RPS6KC1: variants seen among roughly 807,000 people sequenced by gnomAD.
RPS6KC1 encodes ribosomal protein S6 kinase C1.
A neutral mutation model predicts 103.8 loss-of-function variants in RPS6KC1; 54 were observed. The observed-to-expected ratio is 0.52, with a 90% CI of 0.42 to 0.65. The LOEUF (loss-of-function observed/expected upper bound fraction) is 0.65. Among genes scored for constraint, RPS6KC1 ranks in the 30% least tolerant of loss-of-function variants. The pLI, the probability that RPS6KC1 is intolerant of heterozygous loss-of-function variation, is 0.00. For synonymous variants in RPS6KC1, 439 were observed against 438.7 expected, an observed-to-expected ratio of 1.00 and a Z score of -0.01; for missense variants, 1,151 against 1,253.8, an observed-to-expected ratio of 0.92 and a Z score of 1.24.
intron 8 of RPS6KC1, among the ~76,000 whole-genome samples, chr1:213,203,113 G>T (rs1156829766): frequency 6.6e-6 from 1 of 152,132 alleles, no homozygotes; most frequent in Non-Finnish European, 1.5e-5. Context: ...TAGTAGTACA[G>T]ATTGAGTTTC....
chr1:213,586,670 A>T, the RPS6KC1 span, among the ~76,000 whole-genome samples: 1 of 152,118 alleles, frequency 6.6e-6, no homozygotes. Flanking sequence ...CAGGCTCTTC[A>T]TCCTCTGGCT....
At chr1:213,625,277 G>T in the RPS6KC1 span, among the ~76,000 whole-genome samples, 1 of 152,140 alleles carries the variant, frequency 6.6e-6, no homozygotes, top group Admixed American at 6.5e-5. Flanking sequence ...AGAAAGTCCT[G>T]TTCCTGATTT....
chr1:213,595,678 C>T, the RPS6KC1 span, among the ~76,000 whole-genome samples: 2 of 152,234 alleles, frequency 1.3e-5, no homozygotes, highest in South Asian at 2.1e-4. Flanking sequence ...ATGGCAGCAG[C>T]TCTGCTAACT....
At chr1:213,540,986 A>G in the RPS6KC1 span, among the ~76,000 whole-genome samples, 4 of 151,902 alleles carry the variant, frequency 2.6e-5, no homozygotes. Flanking sequence ...ATTCAGTTAA[A>G]GCTCCAGGCT....
the RPS6KC1 span, among the ~76,000 whole-genome samples, chr1:213,831,357 G>A: frequency 1.3e-5 from 2 of 152,146 alleles, no homozygotes; most frequent in African/African-American, 4.8e-5. Context: ...GTAGTAGGAG[G>A]TGTGACAATG....
At chr1:213,217,460 C>G (rs1210690780) in intron 8 of RPS6KC1, among the ~76,000 whole-genome samples, 1 of 152,194 alleles carries the variant, frequency 6.6e-6, no homozygotes, top group African/African-American at 2.4e-5. Context: ...TGAGCTGGTA[C>G]TATTCCTTCT....
intron 6 of RPS6KC1, among the ~76,000 whole-genome samples, chr1:213,146,105 A>G (rs1364482429): frequency 9.4e-6 from 1 of 106,126 alleles, no homozygotes; most frequent in Non-Finnish European, 2.1e-5. Flanking sequence ...TTTTTTTTTT[A>G]ATATTTAGAT....
the RPS6KC1 span, among the ~76,000 whole-genome samples, chr1:213,723,095 G>C: frequency 6.6e-6 from 1 of 152,160 alleles, no homozygotes; most frequent in Non-Finnish European, 1.5e-5. Flanking sequence ...CAGGAGAATT[G>C]CTTGAACCTG....
chr1:213,483,304 G>A, the RPS6KC1 span, among the ~76,000 whole-genome samples: 1 of 152,252 alleles, frequency 6.6e-6, no homozygotes, highest in South Asian at 2.1e-4. Context: ...GGGGATTATG[G>A]GAACTACAAT....
chr1:213,456,896 G>A, the RPS6KC1 span, among the ~76,000 whole-genome samples: 1 of 152,132 alleles, frequency 6.6e-6, no homozygotes, highest in Non-Finnish European at 1.5e-5. Flanking sequence ...ATGTGGCTAT[G>A]AATCTCTTTT....
At chr1:213,122,690 T>A (rs1424157112) in intron 5 of RPS6KC1, among the ~76,000 whole-genome samples, 2 of 152,180 alleles carry the variant, frequency 1.3e-5, no homozygotes, top group Non-Finnish European at 1.5e-5. Flanking sequence ...ATCTTGTTAC[T>A]GGTATTTTTC....
At chr1:213,784,265 A>G in the RPS6KC1 span, among the ~76,000 whole-genome samples, 689 of 152,330 alleles carry the variant, frequency 4.5e-3, 5 homozygotes, top group Admixed American at 6.9e-3. Context: ...AGGACCTAAG[A>G]GGACTTTCTA....
chr1:213,839,792 T>A, the RPS6KC1 span: 1 of 152,124 alleles, frequency 6.6e-6, no homozygotes, highest in Non-Finnish European at 1.5e-5. Flanking sequence ...TTCAGTTTCT[T>A]CATGCCTAAA....
chr1:213,665,104 A>G, the RPS6KC1 span, among the ~76,000 whole-genome samples: 1 of 152,152 alleles, frequency 6.6e-6, no homozygotes, highest in South Asian at 2.1e-4. Context: ...CAATACATTC[A>G]TTAGGACATG....
the RPS6KC1 span, among the ~76,000 whole-genome samples, chr1:213,719,736 G>A: frequency 2.0e-5 from 3 of 152,114 alleles, no homozygotes; most frequent in African/African-American, 4.8e-5. Flanking sequence ...AACCAGAAGC[G>A]GGGGCAGTGG....
the RPS6KC1 span, among the ~76,000 whole-genome samples, chr1:213,557,580 T>A: frequency 1.3e-5 from 2 of 152,172 alleles, no homozygotes; most frequent in Non-Finnish European, 2.9e-5. Flanking sequence ...CTAGGTTGAT[T>A]TGAAGGTATT....
chr1:213,160,278 T>G (rs1302001272), intron 6 of RPS6KC1, among the ~76,000 whole-genome samples: 3 of 152,212 alleles, frequency 2.0e-5, no homozygotes, highest in African/African-American at 7.2e-5. Context: ...AAATTATAAC[T>G]GTCAAACAAT....
intron 14 of RPS6KC1, 119 bp downstream of exon 14, chr1:213,262,935 A>T: frequency 1.4e-6 from 1 of 704,596 alleles, no homozygotes; most frequent in Non-Finnish European, 2.6e-6. Flanking sequence ...ACGTAAAACA[A>T]AGACACGTTC....
At chr1:213,536,055 C>CT in the RPS6KC1 span, among the ~76,000 whole-genome samples, 8,336 of 150,404 alleles carry the variant, frequency 0.055, 718 homozygotes, top group African/African-American at 0.19. Flanking sequence ...ACTATAAACA[C>CT]TTTTTTTTTT....
Sources: allele counts gnomAD v4.1 joint callset (sites outside exome capture counted in the v4.1 genomes callset), GRCh38; gene constraint gnomAD v4.1.1; transcripts MANE v1.5; gene names NCBI Gene and HGNC (gene_info 2026-07-23, HGNC 2026-07-21).